ST8SIA5: variants seen among roughly 807,000 people sequenced by gnomAD.
The protein encoded by ST8SIA5 is alpha-2,8-sialyltransferase 8E.
ST8SIA5 carries 24 observed loss-of-function variants against 40.2 expected under a neutral mutation model. That is an observed-to-expected ratio of 0.60 (90% CI 0.43 to 0.84). The LOEUF (loss-of-function observed/expected upper bound fraction) is 0.84. Among genes scored for constraint, ST8SIA5 ranks in the 40% least tolerant of loss-of-function variants. ST8SIA5 has a pLI of 0.00. For synonymous variants in ST8SIA5, 198 were observed against 201.8 expected (o/e 0.98, Z 0.16); for missense variants, 465 against 498.5 (o/e 0.93, Z 0.64).
At chr18:46,709,936 G>C (rs1439058176) in intron 1 of ST8SIA5, among the ~76,000 whole-genome samples, 1 of 152,044 alleles carries the variant, frequency 6.6e-6, no homozygotes, top group Non-Finnish European at 1.5e-5. Context: ...CCCTTACCCT[G>C]TTACAAGATT....
chr18:46,728,257 A>G (rs542489182), intron 1 of ST8SIA5, among the ~76,000 whole-genome samples: 72 of 151,844 alleles, frequency 4.7e-4, no homozygotes, highest in African/African-American at 1.7e-3. Flanking sequence ...CATCTCTGAG[A>G]TCCTTTCCCA....
rs924669411 is a variant in ST8SIA5, at chr18:46,668,490, C to G, written c.*11552G>C. On this transcript the variant is annotated 3_prime_UTR_variant, in exon 7 of 7. Coordinates refer to ENST00000315087, the MANE Select transcript of ST8SIA5 (RefSeq NM_013305.6). ...GGTTTCCACAGCTCCCATGCTGACTCCAGCATCTGTCCTGGCTTTACTTGG... is the reference window on the plus strand; with the variant it reads ...GGTTTCCACAGCTCCCATGCTGACTGCAGCATCTGTCCTGGCTTTACTTGG... 2 of 152,804 alleles carry G rather than the reference C, an allele frequency of 1.3e-5. No individual in the cohort carries two copies. Among genetic ancestry groups the G allele is most frequent in the Non-Finnish European group, 2.9e-5 (2 of 68,152 alleles). 9.5% of individuals were successfully genotyped at this position (152,804 alleles called of 1,614,324 possible). A position where few individuals can be genotyped will look rare whatever the true frequency, so the allele number is the denominator to read the frequency against.
intron 1 of ST8SIA5, among the ~76,000 whole-genome samples, chr18:46,722,558 G>A (rs1430317863): frequency 6.6e-6 from 1 of 152,186 alleles, no homozygotes; most frequent in Admixed American, 6.5e-5. Flanking sequence ...GGAGGAAAGG[G>A]TTGGTGCCCG....
chr18:46,712,434 C>T (rs535000469), intron 1 of ST8SIA5, among the ~76,000 whole-genome samples: 4 of 152,194 alleles, frequency 2.6e-5, no homozygotes, highest in Non-Finnish European at 4.4e-5. Flanking sequence ...TCTTCTCCCC[C>T]CTGGGGGAGT....
chr18:46,680,997 G>C (rs906882124), intron 6 of ST8SIA5, among the ~76,000 whole-genome samples: 2 of 141,214 alleles, frequency 1.4e-5, no homozygotes, highest in East Asian at 3.9e-4. Context: ...TTAGAGACAC[G>C]GTCTTGCTCT....
chr18:46,705,205 T>A (rs1348039126), intron 1 of ST8SIA5, among the ~76,000 whole-genome samples: 2 of 152,202 alleles, frequency 1.3e-5, no homozygotes, highest in African/African-American at 4.8e-5. Context: ...CAGACAGGGC[T>A]CCAGGTCATA....
chr18:46,751,737 C>G (rs544812109), intron 1 of ST8SIA5, among the ~76,000 whole-genome samples: 1 of 152,258 alleles, frequency 6.6e-6, no homozygotes, highest in East Asian at 1.9e-4. Context: ...CATTAGAGTA[C>G]ATTTCTCGTA....
At chr18:46,720,538 T>C (rs142770457) in intron 1 of ST8SIA5, among the ~76,000 whole-genome samples, 2 of 152,326 alleles carry the variant, frequency 1.3e-5, no homozygotes, top group East Asian at 1.9e-4. Context: ...ATTACTTCTC[T>C]GCAGGGTCAA....
In ST8SIA5 at chr18:46,668,961, C is replaced by T. The variant is rs2039292436; in HGVS notation, c.*11081G>A. On this transcript the variant is annotated 3_prime_UTR_variant, in exon 7 of 7. Coordinates refer to ENST00000315087, the MANE Select transcript of ST8SIA5 (RefSeq NM_013305.6). ...TGGCCAGAGCAGCAGGGGGCCAGCA[C>T]CATGGTCCCTGACCCCAGCTTGCCC... The T allele has an allele frequency of 6.6e-6, 1 of 152,388 alleles. No homozygotes were observed. The highest frequency in any genetic ancestry group is 2.1e-4 in the South Asian group (1 of 4,836). 9.4% of individuals were successfully genotyped at this position (152,388 alleles called of 1,614,324 possible). A position where few individuals can be genotyped will look rare whatever the true frequency, so the allele number is the denominator to read the frequency against.
intron 1 of ST8SIA5, chr18:46,721,305 C>T: frequency 1.3e-6 from 2 of 1,483,596 alleles, no homozygotes; most frequent in Non-Finnish European, 1.8e-6. Flanking sequence ...GCAGGGGCTG[C>T]AGGGCCACCC....
At chr18:46,734,386 G>A (rs1339342945) in intron 1 of ST8SIA5, among the ~76,000 whole-genome samples, 2 of 151,210 alleles carry the variant, frequency 1.3e-5, no homozygotes, top group Non-Finnish European at 2.9e-5. Context: ...CCAACCCCTA[G>A]GCCGTTCCCC....
chr18:46,681,865 C>T, intron 6 of ST8SIA5, 107 bp downstream of exon 6: 1 of 1,156,406 alleles, frequency 8.6e-7, no homozygotes. Flanking sequence ...GTTTTACACT[C>T]ACAGCCAGCA....
chr18:46,670,287 CT>C lies in ST8SIA5; in HGVS notation c.*9754del. On this transcript the variant is annotated 3_prime_UTR_variant, in exon 7 of 7. Transcript: ENST00000315087. ...CAGTGTATTGAACATTGTTGGAACGCTTTTTTACCTCTGCATGTCCTGGATG... is the reference window on the plus strand; with the variant it reads ...CAGTGTATTGAACATTGTTGGAACGCTTTTTACCTCTGCATGTCCTGGATG... 1 of 152,200 alleles carries C rather than the reference CT, an allele frequency of 6.6e-6. No homozygotes were observed. The allele number at this position is 152,200 out of a possible 1,614,324, so 9.4% of individuals were successfully genotyped here. A position where few individuals can be genotyped will look rare whatever the true frequency, so the allele number is the denominator to read the frequency against.
chr18:46,711,138 C>T (rs746921931), intron 1 of ST8SIA5, among the ~76,000 whole-genome samples: 1 of 152,282 alleles, frequency 6.6e-6, no homozygotes, highest in Non-Finnish European at 1.5e-5. Context: ...GAAAAAGCAC[C>T]ATTTTCCCCA....
chr18:46,714,054 C>T (rs542040904), intron 1 of ST8SIA5, among the ~76,000 whole-genome samples: 9 of 152,300 alleles, frequency 5.9e-5, no homozygotes, highest in Admixed American at 5.2e-4. Context: ...AGAGCCCCAG[C>T]TGAGACTTAG....
intron 1 of ST8SIA5, among the ~76,000 whole-genome samples, chr18:46,738,968 C>T (rs1264644503): frequency 6.6e-6 from 1 of 152,196 alleles, no homozygotes; most frequent in Admixed American, 6.5e-5. Flanking sequence ...GGAGGGAAGA[C>T]AAAGCATAGG....
At chr18:46,745,027 G>A (rs2040125547) in intron 1 of ST8SIA5, among the ~76,000 whole-genome samples, 1 of 152,188 alleles carries the variant, frequency 6.6e-6, no homozygotes, top group South Asian at 2.1e-4. Context: ...TGAGAACAAA[G>A]ACACAACATA....
intron 1 of ST8SIA5, among the ~76,000 whole-genome samples, chr18:46,724,686 T>C (rs2039896398): frequency 1.3e-5 from 2 of 152,096 alleles, no homozygotes; most frequent in Non-Finnish European, 2.9e-5. Flanking sequence ...GAAAATCTCA[T>C]GATCGGGCCA....
intron 1 of ST8SIA5, among the ~76,000 whole-genome samples, chr18:46,717,191 G>C (rs2039801052): frequency 6.6e-6 from 1 of 152,222 alleles, no homozygotes; most frequent in Non-Finnish European, 1.5e-5. Flanking sequence ...GGCCAGTCCA[G>C]AGGGAACAGG....
Sources: allele counts gnomAD v4.1 joint callset (sites outside exome capture counted in the v4.1 genomes callset), GRCh38; gene constraint gnomAD v4.1.1; transcripts MANE v1.5; gene names NCBI Gene and HGNC (gene_info 2026-07-23, HGNC 2026-07-21).